IQCJ: variants seen among roughly 807,000 people sequenced by gnomAD.
IQCJ encodes the protein IQ domain-containing protein J.
In IQCJ, 9 loss-of-function variants were observed where a neutral mutation model predicts 11.0. The ratio of observed to expected loss-of-function variants is 0.82; its 90% CI spans 0.49 to 1.43. IQCJ has a LOEUF of 1.43. Among genes scored for constraint, IQCJ ranks in the 40% most tolerant of loss-of-function variants. The pLI is 0.00. For synonymous variants in IQCJ, 55 were observed against 51.3 expected, an observed-to-expected ratio of 1.07 and a Z score of -0.31; for missense variants, 146 against 133.2, an observed-to-expected ratio of 1.10 and a Z score of -0.47.
chr3:159,196,412 A>G (rs907782891), intron 1 of IQCJ, among the ~76,000 whole-genome samples: 3 of 152,208 alleles, frequency 2.0e-5, no homozygotes, highest in Admixed American at 6.5e-5. Flanking sequence ...ATCTGTTAGA[A>G]TTGCCTGGGT....
chr3:159,141,330 A>G (rs1720591124), intron 1 of IQCJ, among the ~76,000 whole-genome samples: 2 of 152,188 alleles, frequency 1.3e-5, no homozygotes, highest in East Asian at 3.9e-4. Context: ...GGTGAATGAT[A>G]AGATTGAACA....
chr3:159,143,819 A>G (rs1196492047), intron 1 of IQCJ, among the ~76,000 whole-genome samples: 1 of 152,240 alleles, frequency 6.6e-6, no homozygotes, highest in Non-Finnish European at 1.5e-5. Flanking sequence ...TGGGTAATTT[A>G]TAAAGAACAG....
At chr3:159,121,879 A>G (rs1261644086) in intron 1 of IQCJ, among the ~76,000 whole-genome samples, 1 of 152,228 alleles carries the variant, frequency 6.6e-6, no homozygotes, top group African/African-American at 2.4e-5. Context: ...TTAGAAAACA[A>G]TGTACTTGAC....
chr3:159,116,656 A>ATATATATC (rs1719036078), intron 1 of IQCJ, among the ~76,000 whole-genome samples: 1 of 33,404 alleles, frequency 3.0e-5, no homozygotes, highest in Non-Finnish European at 5.4e-5. Context: ...ATATATATAT[A>ATATATATC]TATATATATA....
chr3:159,151,088 C>T (rs1415765012), intron 1 of IQCJ, among the ~76,000 whole-genome samples: 1 of 152,194 alleles, frequency 6.6e-6, no homozygotes, highest in Non-Finnish European at 1.5e-5. Flanking sequence ...CACCTTCCAC[C>T]TTCCTTGCAG....
At chr3:159,173,591 CCTTT>C (rs1278802872) in intron 1 of IQCJ, among the ~76,000 whole-genome samples, 4 of 152,142 alleles carry the variant, frequency 2.6e-5, no homozygotes, top group Admixed American at 2.0e-4. Context: ...TTATTTCCAC[CCTTT>C]CTAATTAATT....
Position 159,245,827 on chromosome 3 carries a change from C to A in IQCJ, c.10-16C>A. The A allele has an allele frequency of 6.5e-7, 1 of 1,537,788 alleles. No individual in the cohort carries two copies. Among genetic ancestry groups the A allele is most frequent in the Non-Finnish European group, 8.8e-7 (1 of 1,135,740 alleles). On this transcript the variant is annotated splice_polypyrimidine_tract_variant and intron_variant, in intron 1 of 3. Transcript: ENST00000397832. ...GCTGGTGACAATTTGTAAGATATAT[C>A]TTCTCTTTTTCACAGGAAGAACTGA... is the stretch of plus-strand genomic sequence containing the variant.
intron 1 of IQCJ, among the ~76,000 whole-genome samples, chr3:159,200,047 T>TATATATATATATATAA (rs946263011): frequency 1.4e-4 from 19 of 139,914 alleles, no homozygotes; most frequent in African/African-American, 4.7e-4. Context: ...TATATATATA[T>TATATATATATATATAA]AAATCTAAAT....
chr3:159,102,613 C>G (rs1430623204), intron 1 of IQCJ, among the ~76,000 whole-genome samples: 3 of 152,172 alleles, frequency 2.0e-5, no homozygotes, highest in African/African-American at 4.8e-5. Flanking sequence ...TGTGGCATTT[C>G]TAATACATTA....
chr3:159,204,347 G>T (rs1724526344), intron 1 of IQCJ, among the ~76,000 whole-genome samples: 2 of 152,286 alleles, frequency 1.3e-5, no homozygotes, highest in South Asian at 4.1e-4. Flanking sequence ...AGCTATGGCT[G>T]TTTCCTGGTT....
intron 1 of IQCJ, among the ~76,000 whole-genome samples, chr3:159,075,199 G>A (rs1433364813): frequency 1.3e-5 from 2 of 152,106 alleles, no homozygotes; most frequent in Non-Finnish European, 2.9e-5. Flanking sequence ...AATATGAGAA[G>A]CTCAAAGCAA....
At chr3:159,159,711 A>G (rs1468236442) in intron 1 of IQCJ, among the ~76,000 whole-genome samples, 3 of 152,156 alleles carry the variant, frequency 2.0e-5, no homozygotes, top group Non-Finnish European at 2.9e-5. Context: ...AATGTTGGCC[A>G]TGAGCCTAGA....
chr3:159,123,951 G>A (rs1269870396), intron 1 of IQCJ, among the ~76,000 whole-genome samples: 1 of 152,104 alleles, frequency 6.6e-6, no homozygotes, highest in Non-Finnish European at 1.5e-5. Context: ...CAAACTCTCA[G>A]TAGTTTTCAG....
intron 1 of IQCJ, among the ~76,000 whole-genome samples, chr3:159,205,047 G>A (rs1449456884): frequency 1.3e-5 from 2 of 152,156 alleles, no homozygotes; most frequent in Non-Finnish European, 2.9e-5. Context: ...GCAGCAAGTA[G>A]TTCTGCACCA....
chr3:159,139,139 G>A (rs1466578124), intron 1 of IQCJ, among the ~76,000 whole-genome samples: 1 of 151,944 alleles, frequency 6.6e-6, no homozygotes, highest in Non-Finnish European at 1.5e-5. Context: ...ATGAAATCAA[G>A]GACCATTTTT....
intron 1 of IQCJ, among the ~76,000 whole-genome samples, chr3:159,123,155 G>A (rs930712836): frequency 6.6e-6 from 1 of 152,128 alleles, no homozygotes; most frequent in African/African-American, 2.4e-5. Context: ...CAGCGGGTTG[G>A]ACACCTTTCT....
intron 1 of IQCJ, among the ~76,000 whole-genome samples, chr3:159,090,301 G>C (rs1349282585): frequency 6.6e-6 from 1 of 151,822 alleles, no homozygotes; most frequent in East Asian, 1.9e-4. Flanking sequence ...ATCTCCAGCT[G>C]CGTGCTGGGA....
intron 1 of IQCJ, among the ~76,000 whole-genome samples, chr3:159,143,219 A>C (rs1720729571): frequency 6.6e-6 from 1 of 151,278 alleles, no homozygotes; most frequent in Non-Finnish European, 1.5e-5. Flanking sequence ...TGCTTATAAA[A>C]CTCACATAGT....
intron 1 of IQCJ, among the ~76,000 whole-genome samples, chr3:159,122,553 A>G (rs1442636726): frequency 6.6e-6 from 1 of 152,198 alleles, no homozygotes; most frequent in Non-Finnish European, 1.5e-5. Context: ...TTCTCATTTC[A>G]GATTCCTGAT....
Sources: allele counts gnomAD v4.1 joint callset (sites outside exome capture counted in the v4.1 genomes callset), GRCh38; gene constraint gnomAD v4.1.1; transcripts MANE v1.5; gene names NCBI Gene and HGNC (gene_info 2026-07-23, HGNC 2026-07-21).